Variants in WDR7 observed in about 807,000 individuals in gnomAD.
WDR7 encodes WD repeat domain 7.
Under a neutral mutation model 169.4 loss-of-function variants are expected in WDR7, and 46 were observed. The ratio of observed to expected loss-of-function variants is 0.27; its 90% CI spans 0.21 to 0.35. The LOEUF (loss-of-function observed/expected upper bound fraction) is 0.35. Ranked by LOEUF, WDR7 falls within the 10% of genes least tolerant of loss-of-function variation. The pLI, the probability that WDR7 is intolerant of heterozygous loss-of-function variation, is 1.00. For missense variants in WDR7, 1,534 were observed against 1,859.3 expected (o/e 0.83, Z 3.22); for synonymous variants, 612 against 666.8 (o/e 0.92, Z 1.27).
At chr18:56,664,415 G>A (rs564146229) in intron 1 of WDR7, among the ~76,000 whole-genome samples, 73 of 152,274 alleles carry the variant, frequency 4.8e-4, no homozygotes, top group African/African-American at 1.7e-3. Context: ...AAAATGAAAT[G>A]TAGACATGTT....
rs117332944 is a variant in WDR7 at position 56,692,882 on chromosome 18, G to A, written c.966+1065G>A. On this transcript the variant is annotated intron_variant, in intron 9 of 27. Coordinates refer to ENST00000254442, the MANE Select transcript of WDR7 (RefSeq NM_015285.3). Reference sequence around the variant, plus strand: ...ATCAATTAAAAATTTTAGTCTGGGCGACATAGTGAGACCCCATCTCTACAA... The same window carrying A: ...ATCAATTAAAAATTTTAGTCTGGGCAACATAGTGAGACCCCATCTCTACAA... 5.2e-3 allele frequency among the ~76,000 whole-genome samples: 792 copies of A among 151,530 alleles called. 11 individuals carry two copies. The highest frequency in any genetic ancestry group is 0.037 in the Middle Eastern group (11 of 294).
At chr18:56,833,139 C>T (rs749711033) in intron 20 of WDR7, among the ~76,000 whole-genome samples, 1 of 150,848 alleles carries the variant, frequency 6.6e-6, no homozygotes, top group Non-Finnish European at 1.5e-5. Flanking sequence ...TAGAGAAGAA[C>T]ATAAACGACC....
chr18:56,884,078 G>A (rs2046151946), intron 21 of WDR7, among the ~76,000 whole-genome samples: 1 of 151,696 alleles, frequency 6.6e-6, no homozygotes, highest in South Asian at 2.1e-4. Context: ...AGTTTTTTAA[G>A]GAATCTTCAC....
intron 14 of WDR7, among the ~76,000 whole-genome samples, chr18:56,740,677 A>G (rs533131947): frequency 6.6e-6 from 1 of 152,108 alleles, no homozygotes; most frequent in Non-Finnish European, 1.5e-5. Context: ...AGGGCTTCCA[A>G]CAGAGAGCCC....
intron 26 of WDR7, among the ~76,000 whole-genome samples, chr18:56,991,143 ATTTTT>A (rs60092817): frequency 0.01 from 1,109 of 110,708 alleles, 16 homozygotes; most frequent in African/African-American, 0.038. Flanking sequence ...CCTTCTCCTC[ATTTTT>A]TTTTTTTTTT....
intron 27 of WDR7, among the ~76,000 whole-genome samples, chr18:57,025,834 G>T (rs1333971244): frequency 6.6e-6 from 1 of 152,200 alleles, no homozygotes; most frequent in African/African-American, 2.4e-5. Flanking sequence ...TGCAGGGGAT[G>T]ATGTCAGTGA....
At chr18:56,949,875 T>A (rs2047156941) in intron 25 of WDR7, among the ~76,000 whole-genome samples, 1 of 152,202 alleles carries the variant, frequency 6.6e-6, no homozygotes, top group Non-Finnish European at 1.5e-5. Context: ...TTTGCTAATA[T>A]TACTGCTGAT....
intron 1 of WDR7, among the ~76,000 whole-genome samples, chr18:56,653,308 G>T (rs921319662): frequency 6.6e-6 from 1 of 152,058 alleles, no homozygotes; most frequent in African/African-American, 2.4e-5. Context: ...CCGGGCTCAA[G>T]CGATTCTCCT....
At chr18:56,880,234 T>G in intron 21 of WDR7, 69 bp downstream of exon 21, 1 of 1,416,306 alleles carries the variant, frequency 7.1e-7, no homozygotes, top group Non-Finnish European at 9.7e-7. Context: ...CAAAATCTCA[T>G]AACATTGACT....
intron 26 of WDR7, among the ~76,000 whole-genome samples, chr18:56,986,865 G>C (rs2047728501): frequency 6.6e-6 from 1 of 151,614 alleles, no homozygotes; most frequent in African/African-American, 2.4e-5. Flanking sequence ...CAGGATGAGA[G>C]TAGATGCCAT....
chr18:57,027,025 A>G lies in WDR7; in HGVS notation c.4291A>G (p.Ser1431Gly), dbSNP rs1599258631. 1 of 1,614,072 alleles carries G rather than the reference A, an allele frequency of 6.2e-7. No individual in the cohort carries two copies. The highest frequency in any genetic ancestry group is 8.5e-7 in the Non-Finnish European group (1 of 1,180,018). The change falls in exon 28 of 28, where the codon AGC becomes GGC. Residue 1431 changes from serine (S) to glycine (G), a missense_variant. Physicochemically the swap from Ser to Gly is moderately conservative, Grantham distance 56. Coordinates refer to ENST00000254442, the MANE Select transcript of WDR7 (RefSeq NM_015285.3). ...CCAGATGAACACGTCACTGCTGGGAAGCATCGGCATGCTGAACTCGGCACC... is the reference window on the plus strand; with the variant it reads ...CCAGATGAACACGTCACTGCTGGGAGGCATCGGCATGCTGAACTCGGCACC... ...FWQMNTSLLG[S>G]IGMLNSAPQL...
intron 12 of WDR7, among the ~76,000 whole-genome samples, chr18:56,716,722 T>C (rs1175559918): frequency 6.6e-6 from 1 of 152,188 alleles, no homozygotes; most frequent in African/African-American, 2.4e-5. Flanking sequence ...CTTAATAAGA[T>C]TACTGTGGTC....
intron 1 of WDR7, among the ~76,000 whole-genome samples, chr18:56,666,307 G>A (rs976398651): frequency 5.1e-5 from 7 of 138,368 alleles, no homozygotes; most frequent in Admixed American, 8.3e-5. Flanking sequence ...GGGTTCAAGC[G>A]ATTCTCCTGC....
intron 19 of WDR7, among the ~76,000 whole-genome samples, chr18:56,792,465 T>A (rs1025489048): frequency 8.5e-5 from 13 of 152,160 alleles, no homozygotes; most frequent in Non-Finnish European, 1.9e-4. Context: ...CTTAACTACA[T>A]CATAGTTTCT....
chr18:56,789,392 C>T (rs1393675936), intron 19 of WDR7, among the ~76,000 whole-genome samples: 2 of 152,174 alleles, frequency 1.3e-5, no homozygotes, highest in Admixed American at 6.5e-5. Context: ...TTAGGAGCTC[C>T]GCAGGATGAA....
intron 26 of WDR7, among the ~76,000 whole-genome samples, chr18:57,009,671 G>GTATA (rs1459230228): frequency 3.9e-5 from 6 of 152,250 alleles, no homozygotes; most frequent in South Asian, 2.1e-4. Context: ...GGTAATGTTG[G>GTATA]TTAATATATG....
chr18:56,931,121 T>C (rs1000558115), intron 22 of WDR7, among the ~76,000 whole-genome samples: 1 of 151,968 alleles, frequency 6.6e-6, no homozygotes, highest in African/African-American at 2.4e-5. Flanking sequence ...GTCTGTCATG[T>C]CCTCTTTTTT....
At chr18:56,834,854 T>C (rs756785519) in intron 20 of WDR7, among the ~76,000 whole-genome samples, 1 of 152,198 alleles carries the variant, frequency 6.6e-6, no homozygotes, top group African/African-American at 2.4e-5. Context: ...CTTTCCGTCT[T>C]ATTGGTTTGA....
At chr18:56,754,841 A>G (rs2043858838) in intron 14 of WDR7, among the ~76,000 whole-genome samples, 1 of 152,322 alleles carries the variant, frequency 6.6e-6, no homozygotes, top group East Asian at 1.9e-4. Context: ...GGATCAAACA[A>G]TATCAATCAT....
Sources: gnomAD v4.1 joint callset for allele counts (sites outside exome capture counted in the v4.1 genomes callset) on GRCh38, gnomAD v4.1.1 for gene constraint, MANE v1.5 for transcripts, NCBI Gene and HGNC (gene_info 2026-07-23, HGNC 2026-07-21) for gene names.